Variants in TTBK2 observed in about 807,000 individuals in gnomAD.
The protein encoded by TTBK2 is tau-tubulin kinase 2.
Under a neutral mutation model 110.8 loss-of-function variants are expected in TTBK2, and 28 were observed. The observed-to-expected ratio is 0.25, with a 90% confidence interval of 0.19 to 0.35. The LOEUF (loss-of-function observed/expected upper bound fraction) is 0.35, where lower values mean the gene tolerates loss of function less well. Ranked by LOEUF, TTBK2 falls within the 10% of genes least tolerant of loss-of-function variation. TTBK2 has a pLI of 1.00. For synonymous variants in TTBK2, 532 were observed against 527.3 expected (o/e 1.01, Z -0.12); for missense variants, 1,369 against 1,500.3 (o/e 0.91, Z 1.45).
chr15:42,873,391 G>T (rs999160298), intron 2 of TTBK2, among the ~76,000 whole-genome samples: 1 of 152,042 alleles, frequency 6.6e-6, no homozygotes, highest in Non-Finnish European at 1.5e-5. Context: ...CCAAGATCCT[G>T]CCACTGCATT....
At chr15:42,746,900 T>C (rs2061800622) in intron 14 of TTBK2, among the ~76,000 whole-genome samples, 1 of 151,998 alleles carries the variant, frequency 6.6e-6, no homozygotes. Context: ...AGTCTGGGAT[T>C]AAGGAGGGTG....
chr15:42,860,640 CTTTT>C (rs796405914), intron 3 of TTBK2, among the ~76,000 whole-genome samples: 18 of 102,110 alleles, frequency 1.8e-4, no homozygotes, highest in African/African-American at 5.9e-4. Context: ...GGTATTCTTT[CTTTT>C]TTTTTTTTTT....
chr15:42,861,524 T>TA (rs923131046), intron 3 of TTBK2, among the ~76,000 whole-genome samples: 2 of 151,898 alleles, frequency 1.3e-5, no homozygotes, highest in African/African-American at 4.8e-5. Context: ...AAGGCAGAAA[T>TA]AAAAAAATCA....
chr15:42,809,487 A>G (rs1260159032), intron 9 of TTBK2, among the ~76,000 whole-genome samples: 1 of 152,260 alleles, frequency 6.6e-6, no homozygotes, highest in Admixed American at 6.5e-5. Flanking sequence ...AGAAACTATT[A>G]GCACTCAAGA....
intron 1 of TTBK2, among the ~76,000 whole-genome samples, chr15:42,907,765 G>T (rs1453002604): frequency 1.3e-5 from 2 of 151,838 alleles, no homozygotes; most frequent in East Asian, 3.9e-4. Context: ...TTATTTGCAC[G>T]TTTTACCTCA....
Position 42,745,635 on chromosome 15 carries a change from C to T in TTBK2, c.*160G>A. The T allele has an allele frequency of 1.1e-6, 1 of 896,104 alleles. No individual in the cohort carries two copies. The allele number at this position is 896,104 out of a possible 1,614,324, so 55.5% of individuals were successfully genotyped here. A position where few individuals can be genotyped will look rare whatever the true frequency, so the allele number is the denominator to read the frequency against. On this transcript the variant is annotated 3_prime_UTR_variant, in exon 15 of 15. Transcript: ENST00000267890. ...TACTTGCTGCCTGCCTTAGGTAATT[C>T]CTTATCATGTATTATGTCTTCTTAT...
At chr15:42,774,931 A>G (rs1301472571) in intron 13 of TTBK2, among the ~76,000 whole-genome samples, 1 of 152,194 alleles carries the variant, frequency 6.6e-6, no homozygotes, top group Non-Finnish European at 1.5e-5. Flanking sequence ...TCATGTATTG[A>G]GTTTGATATA....
Position 42,742,447 on chromosome 15 carries a change from T to TA in TTBK2, c.*3347dup, listed in dbSNP as rs925579072. On this transcript the variant is annotated 3_prime_UTR_variant, in exon 15 of 15. Transcript: ENST00000267890. ...GACCCAGTTTTCCTTCTTTGTTCAC[T>TA]ATACACTAAAATTAAACGCCTCTAC... The TA allele has an allele frequency of 6.4e-4, 98 of 152,362 alleles. No individual in the cohort carries two copies. Among genetic ancestry groups the TA allele is most frequent in the African/African-American group, 2.2e-3 (92 of 41,576 alleles). 9.4% of individuals were successfully genotyped at this position (152,362 alleles called of 1,614,324 possible).
intron 7 of TTBK2, among the ~76,000 whole-genome samples, chr15:42,813,506 A>C (rs1410362947): frequency 6.6e-6 from 1 of 152,072 alleles, no homozygotes; most frequent in Non-Finnish European, 1.5e-5. Flanking sequence ...TGGGCAACAG[A>C]GCAAGACTCT....
chr15:42,881,219 C>T (rs1596017681), intron 1 of TTBK2, among the ~76,000 whole-genome samples: 1 of 135,772 alleles, frequency 7.4e-6, no homozygotes, highest in Non-Finnish European at 1.5e-5. Flanking sequence ...GGAGGCGGAG[C>T]TTGCAGTGAG....
At chr15:42,804,844 C>T (rs940123957) in intron 9 of TTBK2, among the ~76,000 whole-genome samples, 3 of 152,188 alleles carry the variant, frequency 2.0e-5, no homozygotes, top group African/African-American at 7.2e-5. Context: ...CTACTGGACT[C>T]ATACTGGTGC....
chr15:42,817,210 C>G, intron 6 of TTBK2, 113 bp from the exon 7 acceptor site: 3 of 602,460 alleles, frequency 5.0e-6, no homozygotes, highest in Non-Finnish European at 5.0e-6. Context: ...CACAATAAAA[C>G]ACTATTTAAT....
At chr15:42,827,890 A>T in intron 6 of TTBK2, 38 bp downstream of exon 6, 1 of 1,481,176 alleles carries the variant, frequency 6.8e-7, no homozygotes, top group Non-Finnish European at 9.4e-7. Context: ...ATACCAGGGT[A>T]ATTATCAAAT....
chr15:42,836,810 A>G (rs1448230772), intron 4 of TTBK2, among the ~76,000 whole-genome samples: 1 of 152,218 alleles, frequency 6.6e-6, no homozygotes, highest in South Asian at 2.1e-4. Flanking sequence ...ATTACTGCCT[A>G]AAGAATACTG....
At chr15:42,785,104 T>C (rs1188137189) in intron 10 of TTBK2, among the ~76,000 whole-genome samples, 1 of 148,918 alleles carries the variant, frequency 6.7e-6, no homozygotes, top group Non-Finnish European at 1.5e-5. Context: ...GTATTACTTT[T>C]TCACTTGCAG....
chr15:42,839,027 G>A (rs566790395), intron 4 of TTBK2, among the ~76,000 whole-genome samples: 27 of 152,150 alleles, frequency 1.8e-4, no homozygotes, highest in Non-Finnish European at 3.5e-4. Context: ...GTTTGGTGTG[G>A]AAACGATTTT....
intron 4 of TTBK2, among the ~76,000 whole-genome samples, chr15:42,836,762 C>A (rs1893000619): frequency 6.6e-6 from 1 of 152,286 alleles, no homozygotes; most frequent in Admixed American, 6.5e-5. Context: ...ATATAATTCT[C>A]CAGTCAATAG....
At chr15:42,908,188 A>G (rs1372771668) in intron 1 of TTBK2, 1 of 152,240 alleles carries the variant, frequency 6.6e-6, no homozygotes, top group Non-Finnish European at 1.5e-5. Flanking sequence ...GCGAAAGTAC[A>G]GATTAGGAGA....
chr15:42,852,474 A>C (rs1893759173), intron 3 of TTBK2, among the ~76,000 whole-genome samples: 1 of 152,058 alleles, frequency 6.6e-6, no homozygotes, highest in Non-Finnish European at 1.5e-5. Flanking sequence ...TCCTTTTCTG[A>C]CTCCTCTGAT....
Sources: allele counts gnomAD v4.1 joint callset (sites outside exome capture counted in the v4.1 genomes callset), GRCh38; gene constraint gnomAD v4.1.1; transcripts MANE v1.5; gene names NCBI Gene and HGNC (gene_info 2026-07-23, HGNC 2026-07-21).